IKBIP: variants seen among roughly 807,000 people sequenced by gnomAD.
IKBIP encodes inhibitor of nuclear factor kappa-B kinase-interacting protein.
In IKBIP, 28 loss-of-function variants were observed where a neutral mutation model predicts 31.0. The observed-to-expected ratio is 0.90, with a 90% CI of 0.67 to 1.24. IKBIP has a LOEUF of 1.24. IKBIP is among the 50% of genes most tolerant of loss of function. The probability of loss-of-function intolerance (pLI) is 0.00; values close to 1 mark genes in which losing one functional copy is unlikely to be tolerated. For missense variants in IKBIP, 453 were observed against 441.9 expected (o/e 1.03, Z -0.23); for synonymous variants, 164 against 160.3 (o/e 1.02, Z -0.17).
At chr12:98,636,069 C>T (rs888874010) in intron 1 of IKBIP, among the ~76,000 whole-genome samples, 1 of 152,322 alleles carries the variant, frequency 6.6e-6, no homozygotes. Flanking sequence ...ATTTTGTCTA[C>T]TTTAACTCAA....
rs561408625 is a variant in IKBIP, at chr12:98,614,276, C to T, written c.362G>A (p.Arg121His). The change falls in exon 3 of 3, where the codon CGT becomes CAT. Residue 121 changes from arginine (R) to histidine (H), a missense_variant. Coordinates refer to the IKBIP transcript ENST00000342502. ...TACCTCATTAATTTCTTCCTGTAGA[C>T]GCTTTAGATGAGCAATTATTTGAAA... The T allele has an allele frequency of 3.4e-5, 55 of 1,608,066 alleles. 2 individuals carry two copies. The highest frequency in any genetic ancestry group is 2.5e-4 in the Admixed American group (15 of 59,696).
At position 98,636,497 on chromosome 12, in the gene IKBIP, A is replaced by G. The variant is rs142236170; in HGVS notation, c.180-2084T>C. ...TCCTTGCAAAAGTGGTAATGCTTTG[A>G]ATTCATAAATGGCATCATTAGGCTA... is the stretch of plus-strand genomic sequence containing the variant. On this transcript the variant is annotated intron_variant, in intron 1 of 2. Coordinates refer to ENST00000299157, the MANE Select transcript of IKBIP (RefSeq NM_153687.4). Among the ~76,000 whole-genome samples the G allele has an allele frequency of 3.1e-3, 476 of 152,354 alleles. 4 individuals carry two copies. Among genetic ancestry groups the G allele is most frequent in the African/African-American group, 0.011 (457 of 41,584 alleles).
intron 2 of IKBIP, among the ~76,000 whole-genome samples, chr12:98,618,373 T>A (rs1389219647): frequency 6.6e-6 from 1 of 151,034 alleles, no homozygotes; most frequent in Non-Finnish European, 1.5e-5. Context: ...ACGCCTGTAA[T>A]CCCAGCACTT....
At chr12:98,638,434 A>G (rs999425233) in intron 1 of IKBIP, among the ~76,000 whole-genome samples, 99 of 152,172 alleles carry the variant, frequency 6.5e-4, no homozygotes, top group African/African-American at 4.1e-4. Context: ...GGCGTGTGCC[A>G]TAATGCCTGG....
At chr12:98,613,470 AG>A in exon 3 of IKBIP, 1 of 595,014 alleles carries the variant, frequency 1.7e-6, no homozygotes, top group Non-Finnish European at 2.8e-6. Flanking sequence ...TGTACAAAAT[AG>A]GATTAAATAT....
downstream of IKBIP, among the ~76,000 whole-genome samples, chr12:98,622,979 G>A (rs373386889): frequency 4.5e-4 from 66 of 148,178 alleles, 1 homozygote; most frequent in East Asian, 0.012. Flanking sequence ...AATTGATCCA[G>A]TACTTTTACT....
intron 2 of IKBIP, among the ~76,000 whole-genome samples, chr12:98,617,076 C>T (rs1160456396): frequency 6.6e-6 from 1 of 152,162 alleles, no homozygotes; most frequent in Non-Finnish European, 1.5e-5. Context: ...GTTTTCTGGC[C>T]TATCTAACTA....
At chr12:98,614,135 A>G (rs2097604905) in exon 3 of IKBIP, 2 of 1,613,570 alleles carry the variant, frequency 1.2e-6, no homozygotes, top group Admixed American at 1.7e-5. Context: ...CTTGAGACCA[A>G]CATCTTTTGC....
At chr12:98,630,872 A>T (rs1277576806) in intron 2 of IKBIP, among the ~76,000 whole-genome samples, 1 of 151,958 alleles carries the variant, frequency 6.6e-6, no homozygotes, top group African/African-American at 2.4e-5. Flanking sequence ...CTCTTATTAA[A>T]TTACTCCCAG....
rs1175784414 is a variant in IKBIP at position 98,626,282 on chromosome 12, T to C, written c.782A>G (p.Asp261Gly). 3 of 1,614,066 alleles carry C rather than the reference T, an allele frequency of 1.9e-6. No homozygotes were observed. The Admixed American group carries it at 5.0e-5, about 27-fold the overall frequency. Residue 261 changes from aspartate to glycine, a missense_variant, in exon 3 of 3, where the codon GAC becomes GGC. Physicochemically the swap from Asp to Gly is moderately conservative, Grantham distance 94 (BLOSUM62 -1). Coordinates refer to ENST00000299157, the MANE Select transcript of IKBIP (RefSeq NM_153687.4). ...GCATTCTTCAACTTTGGGTTCGTAG[T>C]CGGAAAGTTTATTAGTCAGATCTTC... is the stretch of plus-strand genomic sequence containing the variant. ...RDEDLTNKLS[D>G]YEPKVEECKT...
chr12:98,627,647 C>T (rs1306630545), intron 2 of IKBIP, among the ~76,000 whole-genome samples: 6 of 151,976 alleles, frequency 3.9e-5, no homozygotes, highest in Non-Finnish European at 8.8e-5. Context: ...ACCGTGTCAG[C>T]GAGGATGGTC....
At chr12:98,614,352 T>C (rs761217529) in intron 2 of IKBIP, 19 of 1,400,316 alleles carry the variant, frequency 1.4e-5, no homozygotes, top group South Asian at 1.3e-4. Context: ...TATAAGAAAA[T>C]ATAATATCAC....
chr12:98,614,083 T>C (rs1489482074), exon 3 of IKBIP: 1 of 1,612,794 alleles, frequency 6.2e-7, no homozygotes, highest in East Asian at 2.2e-5. Flanking sequence ...CATCAGTTAC[T>C]AAACCTGAAA....
chr12:98,617,036 C>T (rs372548094), intron 2 of IKBIP, among the ~76,000 whole-genome samples: 38 of 152,288 alleles, frequency 2.5e-4, no homozygotes, highest in South Asian at 1.7e-3. Context: ...TATATGTCTA[C>T]GCTTTATTGG....
chr12:98,643,686 T>A (rs749023240), intron 1 of IKBIP, among the ~76,000 whole-genome samples: 2 of 152,248 alleles, frequency 1.3e-5, no homozygotes, highest in African/African-American at 4.8e-5. Context: ...AGCTTTACCA[T>A]ATTCAATCTG....
chr12:98,643,802 T>A (rs1321953096), intron 1 of IKBIP, among the ~76,000 whole-genome samples: 2 of 150,310 alleles, frequency 1.3e-5, no homozygotes, highest in Non-Finnish European at 2.9e-5. Flanking sequence ...TTTGGGAGCA[T>A]AATGATATGG....
At chr12:98,623,972 TATAC>T (rs2097612050), downstream of IKBIP, among the ~76,000 whole-genome samples, 2 of 151,200 alleles carry the variant, frequency 1.3e-5, 1 homozygote, top group African/African-American at 4.9e-5. Flanking sequence ...TCTAGATATC[TATAC>T]ATACATACAA....
At chr12:98,639,707 G>A (rs975288319) in intron 1 of IKBIP, among the ~76,000 whole-genome samples, 1 of 152,138 alleles carries the variant, frequency 6.6e-6, no homozygotes, top group African/African-American at 2.4e-5. Context: ...GCTGACTGAG[G>A]ACTTACAAAT....
chr12:98,624,655 A>G lies in IKBIP; in HGVS notation c.*1275T>C, dbSNP rs370152281. ...AGTTGACTACATTATATAATTTCAA[A>G]TAAAATAAAATCAATTCATAAAACA... On this transcript the variant is annotated 3_prime_UTR_variant, in exon 3 of 3. Transcript: ENST00000299157. 16 of 883,612 alleles carry G rather than the reference A, an allele frequency of 1.8e-5. No homozygotes were observed. Among genetic ancestry groups the G allele is most frequent in the Middle Eastern group, 5.9e-4 (1 of 1,696 alleles). The allele number at this position is 883,612 out of a possible 1,614,324, so 54.7% of individuals were successfully genotyped here.
Sources: gnomAD v4.1 joint callset for allele counts (sites outside exome capture counted in the v4.1 genomes callset) on GRCh38, gnomAD v4.1.1 for gene constraint, MANE v1.5 for transcripts, NCBI Gene and HGNC (gene_info 2026-07-23, HGNC 2026-07-21) for gene names.